The following MAD1L1 variants were observed in gnomAD, a reference collection of about 807,000 sequenced individuals.
MAD1L1 encodes the protein mitotic spindle assembly checkpoint protein MAD1.
Under a neutral mutation model 96.9 loss-of-function variants are expected in MAD1L1, and 95 were observed. That is an observed-to-expected ratio of 0.98 (90% confidence interval 0.83 to 1.16). The LOEUF (loss-of-function observed/expected upper bound fraction) is 1.16. MAD1L1 is among the 50% of genes most tolerant of loss of function. MAD1L1 has a pLI of 0.00. For synonymous variants in MAD1L1, 473 were observed against 396.6 expected (o/e 1.19, Z -2.29); for missense variants, 1,007 against 954.4 (o/e 1.06, Z -0.73).
intron 11 of MAD1L1, among the ~76,000 whole-genome samples, chr7:2,127,424 C>A (rs533745861): frequency 1.3e-5 from 2 of 152,172 alleles, no homozygotes; most frequent in Non-Finnish European, 2.9e-5. Context: ...AGGGGATTCT[C>A]CTGAGGGCAA....
chr7:2,225,350 T>G, intron 4 of MAD1L1, 60 bp downstream of exon 4: 1 of 1,592,870 alleles, frequency 6.3e-7, no homozygotes. Flanking sequence ...GCAGGTACCG[T>G]GCACAGCCCC....
chr7:1,928,621 T>C (rs1254923235), intron 17 of MAD1L1, among the ~76,000 whole-genome samples: 3 of 152,238 alleles, frequency 2.0e-5, no homozygotes, highest in South Asian at 4.1e-4. Context: ...TCCCACTAAC[T>C]GCCGAACAGG....
At chr7:2,006,007 G>C (rs931728403) in intron 13 of MAD1L1, among the ~76,000 whole-genome samples, 7 of 152,074 alleles carry the variant, frequency 4.6e-5, no homozygotes, top group Non-Finnish European at 7.4e-5. Context: ...TGGAGAGCAC[G>C]CTCCATGGGC....
intron 18 of MAD1L1, among the ~76,000 whole-genome samples, chr7:1,856,938 C>T (rs1334510762): frequency 2.0e-5 from 3 of 152,118 alleles, no homozygotes; most frequent in African/African-American, 7.2e-5. Context: ...CATGAGCTGC[C>T]ACACAGCAGC....
Position 2,213,216 on chromosome 7 carries a change from T to C in MAD1L1, c.982A>G (p.Ile328Val), listed in dbSNP as rs1023788657. The C allele has an allele frequency of 8.1e-6, 13 of 1,614,128 alleles. No homozygotes were observed. The highest frequency in any genetic ancestry group is 1.1e-5 in the Non-Finnish European group (13 of 1,180,022). Residue 328 changes from isoleucine (I) to valine (V), a missense_variant, in exon 10 of 19, where the codon ATC (isoleucine) becomes GTC (valine). Transcript: ENST00000265854. ...GAGACACCTGCCCTTCCCTACCTGA[T>C]GCTCAGGCCCATGGTCTGGTCCAGT... ...ERLDQTMGLS[I>V]RTPEDLSRFV...
chr7:1,882,228 G>A (rs1785727819), intron 18 of MAD1L1, among the ~76,000 whole-genome samples: 1 of 152,226 alleles, frequency 6.6e-6, no homozygotes, highest in Admixed American at 6.5e-5. Context: ...GGAGGCGAGT[G>A]TGCCGGGCAG....
chr7:1,963,287 C>G (rs989761627), intron 15 of MAD1L1, among the ~76,000 whole-genome samples: 8 of 152,160 alleles, frequency 5.3e-5, no homozygotes, highest in African/African-American at 1.9e-4. Context: ...TGATCTCTCC[C>G]CCAACCAGCC....
At chr7:2,023,530 T>C (rs533462338) in intron 12 of MAD1L1, among the ~76,000 whole-genome samples, 1 of 152,120 alleles carries the variant, frequency 6.6e-6, no homozygotes, top group Middle Eastern at 3.2e-3. Flanking sequence ...ACAAAAGCCA[T>C]GCTTAGAGGA....
intron 12 of MAD1L1, among the ~76,000 whole-genome samples, chr7:2,040,193 A>T (rs1783612191): frequency 6.6e-6 from 1 of 152,228 alleles, no homozygotes; most frequent in South Asian, 2.1e-4. Context: ...GACAAAAGCT[A>T]CCAAAACTGA....
At chr7:1,860,324 C>T (rs1784478335) in intron 18 of MAD1L1, among the ~76,000 whole-genome samples, 2 of 143,988 alleles carry the variant, frequency 1.4e-5, no homozygotes, top group South Asian at 4.8e-4. Flanking sequence ...GGCGGGGCGG[C>T]CTCTGTCTCC....
chr7:1,885,509 G>A (rs1785957664), intron 18 of MAD1L1, among the ~76,000 whole-genome samples: 1 of 152,170 alleles, frequency 6.6e-6, no homozygotes, highest in South Asian at 2.1e-4. Flanking sequence ...CAGGGGTGCG[G>A]TCGGAAGGGC....
rs1384034181 is a variant in MAD1L1, at chr7:2,142,791, G to A, written c.1073+6361C>T. ...TATGCCGAGAGCAGGTGGTCAGGTTGAGCATGAGACTTGCTGGGAACACAT... is the reference window on the plus strand; with the variant it reads ...TATGCCGAGAGCAGGTGGTCAGGTTAAGCATGAGACTTGCTGGGAACACAT... On this transcript the variant is annotated intron_variant, in intron 11 of 18. Coordinates refer to ENST00000265854, the MANE Select transcript of MAD1L1 (RefSeq NM_001013836.2). This position sits in a 1 kb window ranked among gnomAD's most constrained non-coding sequence, Gnocchi z 4.7. 3.9e-5 allele frequency among the ~76,000 whole-genome samples: 6 copies of A among 152,248 alleles called. No homozygotes were observed. The highest frequency in any genetic ancestry group is 1.4e-4 in the African/African-American group (6 of 41,478).
intron 11 of MAD1L1, among the ~76,000 whole-genome samples, chr7:2,147,500 A>G (rs1012338136): frequency 1.1e-4 from 16 of 152,348 alleles, no homozygotes; most frequent in African/African-American, 3.8e-4. Flanking sequence ...CCAGGATTTC[A>G]GGGCAGCTTC....
intron 12 of MAD1L1, among the ~76,000 whole-genome samples, chr7:2,058,031 G>A (rs1562645734): frequency 7.9e-6 from 1 of 127,348 alleles, no homozygotes. Context: ...CCAGAGGAGA[G>A]GAGAGGAGAG....
At chr7:2,063,122 G>A (rs963475164) in intron 12 of MAD1L1, among the ~76,000 whole-genome samples, 2 of 152,246 alleles carry the variant, frequency 1.3e-5, no homozygotes, top group Admixed American at 6.5e-5. Flanking sequence ...CACTGGGACT[G>A]AGACACGGGA....
At chr7:1,929,074 G>C (rs986564360) in intron 17 of MAD1L1, among the ~76,000 whole-genome samples, 4 of 152,064 alleles carry the variant, frequency 2.6e-5, no homozygotes, top group African/African-American at 4.8e-5. Context: ...GCCTCCCCTC[G>C]AGGGCACCCT....
chr7:1,964,137 G>A lies in MAD1L1; in HGVS notation c.1506-6418C>T, dbSNP rs368984320. On this transcript the variant is annotated intron_variant, in intron 15 of 18. Coordinates refer to ENST00000265854, the MANE Select transcript of MAD1L1 (RefSeq NM_001013836.2). ...CCCAGGGTGGGTGTTCCTGACCCTC[G>A]CCTCCCAGGGCTTCATAGGGGAGTG... Among the ~76,000 whole-genome samples, 20 of 152,260 alleles carry A rather than the reference G, an allele frequency of 1.3e-4. No homozygotes were observed. In the South Asian group the frequency reaches 1.9e-3, roughly 14 times the overall value.
intron 18 of MAD1L1, chr7:1,838,837 G>C (rs1177197988): frequency 2.1e-6 from 1 of 471,494 alleles, no homozygotes; most frequent in East Asian, 6.9e-5. Flanking sequence ...GCCATCCACA[G>C]TCCCTGGCCG....
At chr7:2,046,767 C>T (rs969809590) in intron 12 of MAD1L1, among the ~76,000 whole-genome samples, 3 of 152,180 alleles carry the variant, frequency 2.0e-5, no homozygotes, top group Non-Finnish European at 4.4e-5. Flanking sequence ...CTTTCCAGAC[C>T]ATCTGTCCCC....
Sources: allele counts gnomAD v4.1 joint callset (sites outside exome capture counted in the v4.1 genomes callset), GRCh38; gene constraint gnomAD v4.1.1; non-coding constraint Gnocchi (gnomAD v3.1); transcripts MANE v1.5; gene names NCBI Gene and HGNC (gene_info 2026-07-23, HGNC 2026-07-21).